EXOC4: variants seen among roughly 807,000 people sequenced by gnomAD.
EXOC4 encodes exocyst complex component 4, also known as SEC8-like 1.
EXOC4 carries 71 observed loss-of-function variants against 107.2 expected under a neutral mutation model. That is an observed-to-expected ratio of 0.66 (90% CI 0.55 to 0.81). The LOEUF (loss-of-function observed/expected upper bound fraction) is 0.81. EXOC4 is among the 30% of genes least tolerant of loss of function. The probability of loss-of-function intolerance (pLI) is 0.00; values close to 1 mark genes in which losing one functional copy is unlikely to be tolerated. For synonymous variants in EXOC4, 456 were observed against 441.2 expected, an observed-to-expected ratio of 1.03 and a Z score of -0.42; for missense variants, 1,108 against 1,189.6, an observed-to-expected ratio of 0.93 and a Z score of 1.01.
intron 9 of EXOC4, among the ~76,000 whole-genome samples, chr7:133,496,918 C>T (rs1228477983): frequency 6.6e-6 from 1 of 152,016 alleles, no homozygotes; most frequent in Non-Finnish European, 1.5e-5. Flanking sequence ...GGGAGATTAC[C>T]CTGGTTGGGC....
intron 5 of EXOC4, among the ~76,000 whole-genome samples, chr7:133,345,940 A>AATCTAT (rs1444530676): frequency 6.7e-6 from 1 of 150,308 alleles, no homozygotes; most frequent in African/African-American, 2.5e-5. Context: ...CTTAATCATG[A>AATCTAT]ATCTACACTC....
intron 9 of EXOC4, among the ~76,000 whole-genome samples, chr7:133,546,121 A>C (rs1800475786): frequency 6.6e-6 from 1 of 152,146 alleles, no homozygotes; most frequent in Non-Finnish European, 1.5e-5. Context: ...CTGTTGATTC[A>C]TAGTAACTTT....
At chr7:134,083,585 C>T in the EXOC4 span, among the ~76,000 whole-genome samples, 224 of 152,286 alleles carry the variant, frequency 1.5e-3, 2 homozygotes, top group Non-Finnish European at 2.7e-3. Context: ...AGTCACAAGC[C>T]TGACACCTTG....
chr7:133,397,688 G>A (rs190316605), intron 7 of EXOC4, among the ~76,000 whole-genome samples: 338 of 151,528 alleles, frequency 2.2e-3, no homozygotes, highest in Non-Finnish European at 3.6e-3. Flanking sequence ...TTTTTCCTCT[G>A]TTCCCTCTGA....
chr7:133,617,692 A>T (rs1481452340), intron 9 of EXOC4, among the ~76,000 whole-genome samples: 1 of 152,118 alleles, frequency 6.6e-6, no homozygotes, highest in African/African-American at 2.4e-5. Context: ...CTTTCCCATA[A>T]TACCCCACCT....
intron 10 of EXOC4, among the ~76,000 whole-genome samples, chr7:133,677,732 C>G (rs1794095704): frequency 1.3e-5 from 2 of 152,114 alleles, no homozygotes; most frequent in South Asian, 4.1e-4. Flanking sequence ...CAAGGCCACC[C>G]AAACCTGCTA....
intron 10 of EXOC4, among the ~76,000 whole-genome samples, chr7:133,781,294 A>G (rs1796461433): frequency 1.3e-5 from 2 of 152,224 alleles, no homozygotes; most frequent in Non-Finnish European, 2.9e-5. Context: ...ATGAAACTCA[A>G]GATCAGACCA....
chr7:133,579,990 C>T lies in EXOC4; in HGVS notation c.1418-50055C>T, dbSNP rs185489422. Among the ~76,000 whole-genome samples the T allele has an allele frequency of 2.5e-3, 380 of 152,296 alleles. 3 individuals carry two copies. The highest frequency in any genetic ancestry group is 8.9e-3 in the African/African-American group (368 of 41,570). On this transcript the variant is annotated intron_variant, in intron 9 of 17. Coordinates refer to ENST00000253861, the MANE Select transcript of EXOC4 (RefSeq NM_021807.4). ...GATTACAGGTGTGAGCCACTGCGCC[C>T]GGCCCACAATATTACTTTCTATGAA... is the stretch of plus-strand genomic sequence containing the variant.
intron 11 of EXOC4, among the ~76,000 whole-genome samples, chr7:133,823,580 C>T (rs1011467354): frequency 5.3e-5 from 8 of 151,226 alleles, no homozygotes; most frequent in South Asian, 2.1e-4. Context: ...TTTGGGAGGC[C>T]GAGGCGGATG....
chr7:133,331,633 T>G (rs1381437936), intron 5 of EXOC4, among the ~76,000 whole-genome samples: 1 of 151,928 alleles, frequency 6.6e-6, no homozygotes, highest in Non-Finnish European at 1.5e-5. Context: ...GCCCGGCTAA[T>G]TTTTTGTATT....
intron 17 of EXOC4, among the ~76,000 whole-genome samples, chr7:134,046,424 C>T (rs1212671154): frequency 2.0e-5 from 3 of 151,398 alleles, no homozygotes; most frequent in South Asian, 2.1e-4. Flanking sequence ...GAGCCAAGAT[C>T]GTACCACTGC....
Position 133,552,804 on chromosome 7 carries a change from T to C in EXOC4, c.1417+72666T>C, listed in dbSNP as rs565471295. On this transcript the variant is annotated intron_variant, in intron 9 of 17. Coordinates refer to ENST00000253861, the MANE Select transcript of EXOC4 (RefSeq NM_021807.4). ...GTATTTTCCTGATAATAACAAATCA[T>C]ATTTTTTCACACTTAAATGTTTGCC... Among the ~76,000 whole-genome samples the C allele has an allele frequency of 1.5e-4, 23 of 152,286 alleles. 1 individual carries two copies. The South Asian group carries it at 4.3e-3, about 29-fold the overall frequency.
chr7:134,098,324 C>T, the EXOC4 span, among the ~76,000 whole-genome samples: 12 of 152,150 alleles, frequency 7.9e-5, no homozygotes, highest in South Asian at 4.1e-4. Flanking sequence ...GTGCAAGCTG[C>T]GTGATATCAT....
chr7:134,016,961 T>G (rs1377194788), intron 17 of EXOC4, among the ~76,000 whole-genome samples: 1 of 152,216 alleles, frequency 6.6e-6, no homozygotes, highest in African/African-American at 2.4e-5. Flanking sequence ...GTATTGCCCC[T>G]GAAGCGGACT....
chr7:133,537,611 C>T (rs1262361926), intron 9 of EXOC4, among the ~76,000 whole-genome samples: 1 of 152,182 alleles, frequency 6.6e-6, no homozygotes, highest in Non-Finnish European at 1.5e-5. Context: ...TTTGTTTTCT[C>T]CTGAACTACC....
intron 10 of EXOC4, among the ~76,000 whole-genome samples, chr7:133,750,225 G>C (rs867790113): frequency 6.6e-6 from 1 of 151,954 alleles, no homozygotes; most frequent in South Asian, 2.1e-4. Flanking sequence ...TCTGGATTCT[G>C]TGTGTCCTTA....
chr7:133,863,943 G>C (rs921683314), intron 11 of EXOC4, among the ~76,000 whole-genome samples: 1 of 152,064 alleles, frequency 6.6e-6, no homozygotes, highest in Non-Finnish European at 1.5e-5. Context: ...TATCTGCTTA[G>C]GGTGGTATTA....
intron 10 of EXOC4, among the ~76,000 whole-genome samples, chr7:133,779,369 G>A (rs1434108189): frequency 6.6e-6 from 1 of 152,062 alleles, no homozygotes; most frequent in Non-Finnish European, 1.5e-5. Flanking sequence ...TGAGAAGTAC[G>A]GATTTATGAT....
At chr7:133,336,389 A>G (rs576582882) in intron 5 of EXOC4, among the ~76,000 whole-genome samples, 15 of 152,092 alleles carry the variant, frequency 9.9e-5, no homozygotes, top group Non-Finnish European at 2.2e-4. Context: ...CTATGCTCAT[A>G]TATAGTTTTA....
Sources: gnomAD v4.1 joint callset for allele counts (sites outside exome capture counted in the v4.1 genomes callset) on GRCh38, gnomAD v4.1.1 for gene constraint, MANE v1.5 for transcripts, NCBI Gene and HGNC (gene_info 2026-07-23, HGNC 2026-07-21) for gene names.